PABIR3: variants seen among roughly 807,000 people sequenced by gnomAD.
PABIR3 encodes the protein PABIR family member 3, also known as PABIR family member 1.
Under a neutral mutation model 23.1 loss-of-function variants are expected in PABIR3, and 20 were observed. The ratio of observed to expected loss-of-function variants is 0.86; its 90% confidence interval spans 0.61 to 1.26. PABIR3 has a LOEUF of 1.26. Ranked by LOEUF, PABIR3 falls within the 50% of genes most tolerant of loss-of-function variation. PABIR3 has a pLI of 0.00. For synonymous variants in PABIR3, 69 were observed against 68.5 expected (o/e 1.01, Z -0.04); for missense variants, 189 against 195.4 (o/e 0.97, Z 0.20).
intron 4 of PABIR3, among the ~76,000 whole-genome samples, chrX:134,839,811 T>C (rs2082153612): frequency 9.1e-6 from 1 of 110,304 alleles, no homozygotes. Context: ...CCGCCCCTAC[T>C]GGGAAGTGAG....
At chrX:134,834,808 G>C (rs767424263) in intron 4 of PABIR3, among the ~76,000 whole-genome samples, 1 of 111,852 alleles carries the variant, frequency 8.9e-6, no homozygotes, top group Admixed American at 9.5e-5. Flanking sequence ...TTGTTGAAGA[G>C]CAGATGGTTG....
chrX:134,803,419 G>T (rs2080114694), upstream of PABIR3, among the ~76,000 whole-genome samples: 1 of 112,362 alleles, frequency 8.9e-6, no homozygotes, highest in African/African-American at 3.2e-5. Context: ...GGAAGAGAAG[G>T]CCATTGCATT....
At chrX:134,849,133 A>G in intron 8 of PABIR3, 34 bp from the exon 9 acceptor site, 2 of 803,091 alleles carry the variant, frequency 2.5e-6, no homozygotes, top group Non-Finnish European at 3.2e-6. Context: ...GTTAAAAAAA[A>G]TTTCTTATAA....
chrX:134,843,408 TA>T (rs765384577), intron 4 of PABIR3, among the ~76,000 whole-genome samples: 1,623 of 96,362 alleles, frequency 0.017, 27 homozygotes, highest in African/African-American at 0.05. Flanking sequence ...CTGCATAGGG[TA>T]AAAAAAAAAA....
chrX:134,852,372 G>A (rs971920526), intron 9 of PABIR3, among the ~76,000 whole-genome samples: 1 of 110,975 alleles, frequency 9.0e-6, no homozygotes, highest in Non-Finnish European at 1.9e-5. Context: ...CTACTCTGGA[G>A]GCTGAAGCAC....
intron 3 of PABIR3, among the ~76,000 whole-genome samples, chrX:134,820,947 G>T (rs1458769403): frequency 1.9e-5 from 2 of 107,467 alleles, no homozygotes; most frequent in African/African-American, 6.8e-5. Flanking sequence ...TCTTGAACCC[G>T]GGGAGTGAAG....
chrX:134,828,047 C>CTCTCTCTCTCTCTCTCTCTCTATA (rs1466733144), intron 3 of PABIR3, among the ~76,000 whole-genome samples: 1 of 49,420 alleles, frequency 2.0e-5, no homozygotes, highest in African/African-American at 8.2e-5. Context: ...CTCTCTCTCT[C>CTCTCTCTCTCTCTCTCTCTCTATA]TATATATATA....
chrX:134,813,626 T>G (rs1019457126), intron 2 of PABIR3, among the ~76,000 whole-genome samples: 1 of 111,570 alleles, frequency 9.0e-6, no homozygotes, highest in African/African-American at 3.3e-5. Context: ...AAATAAAAAG[T>G]TATAATAAAA....
At chrX:134,844,549 T>A (rs1250760160) in intron 4 of PABIR3, among the ~76,000 whole-genome samples, 1 of 110,356 alleles carries the variant, frequency 9.1e-6, no homozygotes, top group East Asian at 2.8e-4. Flanking sequence ...AAAAGTCAAA[T>A]AATATAGCAA....
At chrX:134,844,363 G>C (rs1057348176) in intron 4 of PABIR3, among the ~76,000 whole-genome samples, 1 of 110,564 alleles carries the variant, frequency 9.0e-6, no homozygotes, top group Non-Finnish European at 1.9e-5. Flanking sequence ...GGGTTTTTCT[G>C]TTTCTGTAAA....
Position 134,823,164 on chromosome X carries a change from T to G in PABIR3, c.190-6062T>G, listed in dbSNP as rs749130066. 3.7e-4 allele frequency among the ~76,000 whole-genome samples: 41 copies of G among 110,784 alleles called. 1 individual carries two copies. The highest frequency in any genetic ancestry group is 1.3e-3 in the African/African-American group (40 of 30,601). On this transcript the variant is annotated intron_variant, in intron 3 of 10. Coordinates refer to ENST00000645433, the MANE Select transcript of PABIR3 (RefSeq NM_001388447.1). Reference sequence around the variant, plus strand: ...CAAAAAAAAAAAGAAAAAATATGTATAACAAATCCTGGTGACACATGTTTA... The same window carrying G: ...CAAAAAAAAAAAGAAAAAATATGTAGAACAAATCCTGGTGACACATGTTTA...
At chrX:134,853,911 C>T (rs2082719000) in intron 10 of PABIR3, among the ~76,000 whole-genome samples, 180 bp from the exon 11 acceptor site, 1 of 112,191 alleles carries the variant, frequency 8.9e-6, no homozygotes, top group African/African-American at 3.2e-5. Context: ...AGCCACCACA[C>T]CTGGCCATGG....
chrX:134,802,007 A>G (rs7060069), intron 1 of PABIR3, among the ~76,000 whole-genome samples: 8,280 of 106,470 alleles, frequency 0.078, 807 homozygotes, highest in African/African-American at 0.27. Flanking sequence ...CACGAACCAC[A>G]CTCTCTCGCC....
chrX:134,855,390 T>C (rs901269418), downstream of PABIR3, among the ~76,000 whole-genome samples: 24 of 108,894 alleles, frequency 2.2e-4, no homozygotes, highest in South Asian at 4.0e-4. Context: ...GCCGAGATCA[T>C]GCCACTGCAC....
chrX:134,838,698 A>G (rs1238187894), intron 4 of PABIR3: 1 of 39,947 alleles, frequency 2.5e-5, no homozygotes, highest in Non-Finnish European at 4.2e-5. Context: ...CCCTCTCCCC[A>G]CGGTCTCCCT....
At chrX:134,810,229 C>G in intron 2 of PABIR3, 1 of 754,589 alleles carries the variant, frequency 1.3e-6, no homozygotes, top group Non-Finnish European at 1.6e-6. Context: ...CCTTAAAGCC[C>G]TGGAAACAGA....
chrX:134,807,227 T>C, upstream of PABIR3: 1 of 849,512 alleles, frequency 1.2e-6, no homozygotes, highest in Non-Finnish European at 1.4e-6. Context: ...GGCGGCAGAT[T>C]GTAGTTTTTG....
upstream of PABIR3, chrX:134,807,226 T>G: frequency 9.5e-6 from 8 of 839,664 alleles, no homozygotes; most frequent in East Asian, 7.2e-5. Context: ...AGGCGGCAGA[T>G]TGTAGTTTTT....
chrX:134,813,714 A>C (rs2080805100), intron 2 of PABIR3, among the ~76,000 whole-genome samples: 1 of 111,478 alleles, frequency 9.0e-6, no homozygotes, highest in Non-Finnish European at 1.9e-5. Context: ...CGTTGAGCCT[A>C]GGAGTTTGAG....
Sources: gnomAD v4.1 joint callset for allele counts (sites outside exome capture counted in the v4.1 genomes callset) on GRCh38, gnomAD v4.1.1 for gene constraint, MANE v1.5 for transcripts, NCBI Gene and HGNC (gene_info 2026-07-23, HGNC 2026-07-21) for gene names.